The following TAFA1 variants were observed in gnomAD, a reference collection of about 807,000 sequenced individuals.
The protein encoded by TAFA1 is chemokine-like protein TAFA-1.
Under a neutral mutation model 18.5 loss-of-function variants are expected in TAFA1, and 4 were observed. The ratio of observed to expected loss-of-function variants is 0.22; its 90% CI spans 0.11 to 0.49. TAFA1 has a LOEUF of 0.49. Among genes scored for constraint, TAFA1 ranks in the 20% least tolerant of loss-of-function variants. The pLI is 0.98. For synonymous variants in TAFA1, 56 were observed against 55.2 expected, an observed-to-expected ratio of 1.01 and a Z score of -0.06; for missense variants, 147 against 169.0, an observed-to-expected ratio of 0.87 and a Z score of 0.72.
chr3:68,355,608 C>T (rs1469020148), intron 2 of TAFA1, among the ~76,000 whole-genome samples: 1 of 151,920 alleles, frequency 6.6e-6, no homozygotes, highest in African/African-American at 2.4e-5. Flanking sequence ...ATAAAAATCC[C>T]CCAATCCCAG....
rs150034410 is a variant in TAFA1 at position 68,261,426 on chromosome 3, A to G, written c.119-155854A>G. ...CATCCCATTACTGGGTATATACCCA[A>G]AGGATTATAAATCATGCTGCTATAA... On this transcript the variant is annotated intron_variant, in intron 2 of 4. Coordinates refer to ENST00000478136, the MANE Select transcript of TAFA1 (RefSeq NM_213609.4). 5.6e-3 allele frequency among the ~76,000 whole-genome samples: 855 copies of G among 152,332 alleles called. 44 individuals are homozygous for G. The East Asian group carries it at 0.11, about 20-fold the overall frequency.
chr3:68,030,968 C>T (rs1236196301), intron 2 of TAFA1, among the ~76,000 whole-genome samples: 1 of 152,074 alleles, frequency 6.6e-6, no homozygotes, highest in Non-Finnish European at 1.5e-5. Context: ...AGAGTTTGGA[C>T]TCATTACCAG....
At chr3:68,280,970 A>G (rs1325174367) in intron 2 of TAFA1, among the ~76,000 whole-genome samples, 2 of 152,186 alleles carry the variant, frequency 1.3e-5, no homozygotes, top group Non-Finnish European at 2.9e-5. Context: ...AAAGTGTTTT[A>G]GAGAATTAAA....
chr3:68,496,311 G>A (rs2072547698), intron 3 of TAFA1, among the ~76,000 whole-genome samples: 1 of 152,146 alleles, frequency 6.6e-6, no homozygotes, highest in South Asian at 2.1e-4. Flanking sequence ...GCTGTCCTGA[G>A]TGCTTCCTTG....
chr3:68,496,773 C>A (rs539921663), intron 3 of TAFA1, among the ~76,000 whole-genome samples: 21 of 152,262 alleles, frequency 1.4e-4, no homozygotes, highest in Non-Finnish European at 2.8e-4. Context: ...AGTTCCTTAA[C>A]CCTTCTGTGT....
chr3:68,261,009 G>A (rs1575721368), intron 2 of TAFA1, among the ~76,000 whole-genome samples: 1 of 151,874 alleles, frequency 6.6e-6, no homozygotes, highest in Admixed American at 6.6e-5. Flanking sequence ...GAAAATTTTT[G>A]CAACCTACTC....
chr3:68,277,461 T>C (rs879922420), intron 2 of TAFA1, among the ~76,000 whole-genome samples: 1 of 151,858 alleles, frequency 6.6e-6, no homozygotes, highest in Admixed American at 6.6e-5. Context: ...AAGGTATTTC[T>C]CCAGGTTCCA....
At chr3:68,153,129 G>A (rs1245335731) in intron 2 of TAFA1, among the ~76,000 whole-genome samples, 1 of 152,122 alleles carries the variant, frequency 6.6e-6, no homozygotes, top group Non-Finnish European at 1.5e-5. Context: ...TCATAGTCAA[G>A]CTATCATTTT....
intron 3 of TAFA1, among the ~76,000 whole-genome samples, chr3:68,479,210 AC>A (rs1195111486): frequency 7.2e-5 from 10 of 139,538 alleles, no homozygotes; most frequent in African/African-American, 2.8e-4. Context: ...CAGCCTGGTG[AC>A]AAAGTGAGAC....
chr3:68,456,449 C>T (rs1030122895), intron 3 of TAFA1, among the ~76,000 whole-genome samples: 1 of 152,114 alleles, frequency 6.6e-6, no homozygotes, highest in Non-Finnish European at 1.5e-5. Flanking sequence ...TTAACAGCAT[C>T]TGAGAATTGG....
chr3:68,161,740 A>G (rs950636553), intron 2 of TAFA1, among the ~76,000 whole-genome samples: 4 of 152,010 alleles, frequency 2.6e-5, no homozygotes, highest in Admixed American at 6.6e-5. Context: ...TATTATTTTG[A>G]GTTCATATTT....
chr3:68,353,326 T>C (rs2069303794), intron 2 of TAFA1, among the ~76,000 whole-genome samples: 1 of 152,106 alleles, frequency 6.6e-6, no homozygotes, highest in Non-Finnish European at 1.5e-5. Flanking sequence ...GAAGATGGAC[T>C]TGATTGTGTC....
At chr3:68,076,511 T>A (rs1422669085) in intron 2 of TAFA1, among the ~76,000 whole-genome samples, 3 of 131,928 alleles carry the variant, frequency 2.3e-5, no homozygotes, top group Admixed American at 1.9e-4. Flanking sequence ...CCTGTGTCCA[T>A]GCGATCTCAT....
At chr3:68,514,807 G>A (rs539872653) in intron 3 of TAFA1, among the ~76,000 whole-genome samples, 1 of 152,100 alleles carries the variant, frequency 6.6e-6, no homozygotes, top group East Asian at 1.9e-4. Flanking sequence ...GCCTATTTCT[G>A]AATCAGTCAC....
At chr3:68,334,030 G>T (rs796582343) in intron 2 of TAFA1, among the ~76,000 whole-genome samples, 2 of 152,074 alleles carry the variant, frequency 1.3e-5, no homozygotes, top group African/African-American at 2.4e-5. Context: ...TTGGTCTAAG[G>T]GTACAAAACT....
At chr3:68,014,711 A>G (rs942163274) in intron 2 of TAFA1, among the ~76,000 whole-genome samples, 21 of 152,208 alleles carry the variant, frequency 1.4e-4, no homozygotes, top group Non-Finnish European at 4.4e-5. Flanking sequence ...TTTCTTATGT[A>G]AAAAAGCATT....
At chr3:68,101,673 A>G (rs2065149132) in intron 2 of TAFA1, among the ~76,000 whole-genome samples, 2 of 152,162 alleles carry the variant, frequency 1.3e-5, no homozygotes, top group African/African-American at 4.8e-5. Flanking sequence ...ATGTCTTGTG[A>G]GAAGACTGAG....
chr3:68,363,426 T>C (rs1319759289), intron 2 of TAFA1, among the ~76,000 whole-genome samples: 2 of 152,130 alleles, frequency 1.3e-5, no homozygotes, highest in African/African-American at 4.8e-5. Context: ...TCTTATGAGG[T>C]AGAGTGTTCC....
intron 2 of TAFA1, among the ~76,000 whole-genome samples, chr3:68,261,076 A>G (rs1435779453): frequency 2.0e-5 from 3 of 151,500 alleles, no homozygotes; most frequent in East Asian, 1.9e-4. Context: ...ATTTACAAGA[A>G]AAAAAAAACC....
Sources: gnomAD v4.1 joint callset for allele counts (sites outside exome capture counted in the v4.1 genomes callset) on GRCh38, gnomAD v4.1.1 for gene constraint, MANE v1.5 for transcripts, NCBI Gene and HGNC (gene_info 2026-07-23, HGNC 2026-07-21) for gene names.